SAGE1: variants seen among roughly 807,000 people sequenced by gnomAD.
SAGE1 encodes the protein cancer/testis antigen 14.
SAGE1 carries 55 observed loss-of-function variants against 55.4 expected under a neutral mutation model. The observed-to-expected ratio is 0.99, with a 90% CI of 0.80 to 1.24. SAGE1 has a LOEUF of 1.24. SAGE1 is among the 50% of genes most tolerant of loss of function. The pLI is 0.00. For missense variants in SAGE1, 710 were observed against 704.4 expected, an observed-to-expected ratio of 1.01 and a Z score of -0.09; for synonymous variants, 240 against 244.3, an observed-to-expected ratio of 0.98 and a Z score of 0.17.
At chrX:135,907,963 T>A in intron 10 of SAGE1, 122 bp downstream of exon 10, 3 of 1,048,496 alleles carry the variant, frequency 2.9e-6, no homozygotes, top group Non-Finnish European at 3.9e-6. Context: ...GGTTTTCAAT[T>A]GCTCCCTGGT....
chrX:135,897,767 C>T (rs782287023), intron 2 of SAGE1, among the ~76,000 whole-genome samples: 1 of 110,633 alleles, frequency 9.0e-6, no homozygotes, highest in Non-Finnish European at 1.9e-5. Flanking sequence ...ACCTATGAAC[C>T]CATCACCTTG....
At chrX:135,905,542 T>A in intron 5 of SAGE1, 150 bp downstream of exon 5, 2 of 511,374 alleles carry the variant, frequency 3.9e-6, no homozygotes, top group Non-Finnish European at 6.3e-6. Flanking sequence ...TCCCCTGATT[T>A]CCTAGATAAT....
chrX:135,910,643 A>G, intron 16 of SAGE1, 88 bp downstream of exon 16: 1 of 892,953 alleles, frequency 1.1e-6, no homozygotes, highest in Non-Finnish European at 1.6e-6. Context: ...TTTGTTGTAT[A>G]TTCTTTCCTA....
chrX:135,894,577 GA>G (rs1480580715), intron 1 of SAGE1, among the ~76,000 whole-genome samples: 3 of 109,740 alleles, frequency 2.7e-5, no homozygotes, highest in Admixed American at 9.8e-5. Context: ...AAGATTGTTA[GA>G]TTTTTTTTTT....
At chrX:135,901,741 T>C (rs2088683135) in intron 3 of SAGE1, 50 bp downstream of exon 3, 2 of 1,114,732 alleles carry the variant, frequency 1.8e-6, no homozygotes, top group Non-Finnish European at 2.4e-6. Flanking sequence ...AGGACATTTG[T>C]AGTCATGTCC....
rs1385997033 is a variant in SAGE1 at position 135,906,307 on chromosome X, T to C, written c.596-104T>C. 3.7e-6 allele frequency: 4 copies of C among 1,092,107 alleles called. No homozygotes were observed. The African/African-American group carries it at 7.3e-5, about 20-fold the overall frequency. The allele number at this position is 1,092,107 out of a possible 1,213,427, so 90.0% of individuals were successfully genotyped here. On this transcript the variant is annotated intron_variant, in intron 6 of 19. Transcript: ENST00000370709. ...CACATCACCACCTGATATATCCTAC[T>C]GCTTTATGAAATAATTTCATAGAAA...
chrX:135,902,719 T>C (rs1353625339), intron 3 of SAGE1, among the ~76,000 whole-genome samples: 1 of 112,098 alleles, frequency 8.9e-6, no homozygotes, highest in African/African-American at 3.2e-5. Context: ...CTAGTCAAAA[T>C]ACTTAAAGTC....
chrX:135,907,175 G>C, intron 8 of SAGE1, 109 bp downstream of exon 8: 3 of 1,048,310 alleles, frequency 2.9e-6, no homozygotes, highest in Non-Finnish European at 3.9e-6. Context: ...AGCTCAATTT[G>C]AGGGGTCTCA....
At chrX:135,910,245 G>A (rs1434353902) in intron 15 of SAGE1, 75 bp downstream of exon 15, 1 of 1,090,329 alleles carries the variant, frequency 9.2e-7, no homozygotes, top group African/African-American at 1.8e-5. Context: ...GAAGAATGTA[G>A]TTTTGTTGTA....
intron 4 of SAGE1, 107 bp from the exon 5 acceptor site, chrX:135,905,145 C>G: frequency 1.3e-6 from 1 of 749,857 alleles, no homozygotes; most frequent in Admixed American, 2.6e-5. Context: ...GATGTATTCT[C>G]CTGCATTAGG....
chrX:135,905,853 T>C (rs1234902816), intron 5 of SAGE1, among the ~76,000 whole-genome samples, 171 bp from the exon 6 acceptor site: 1 of 111,470 alleles, frequency 9.0e-6, no homozygotes, highest in East Asian at 2.8e-4. Flanking sequence ...AAGAAGGTGG[T>C]TTCGTTTTAT....
At chrX:135,907,138 G>A in intron 8 of SAGE1, 72 bp downstream of exon 8, 1 of 1,108,798 alleles carries the variant, frequency 9.0e-7, no homozygotes, top group Non-Finnish European at 1.2e-6. Context: ...AAGGGGAGAT[G>A]GAGGTTTTGT....
chrX:135,906,091 C>A lies in SAGE1; in HGVS notation c.522C>A (p.Val174=), dbSNP rs1556600645. The change falls in exon 6 of 20, where the codon GTC becomes GTA. Residue 174 remains valine (V), a synonymous_variant. Transcript: ENST00000370709. ...ATGGCCAACCCCAACCTGATAACGT[C>A]TTGTCAACTGGTCCCACAGGGCTTA... ...MENGQPQPDN[V]LSTGPTGLIN... 1.7e-6 allele frequency: 2 copies of A among 1,205,274 alleles called. No individual in the cohort carries two copies. The highest frequency in any genetic ancestry group is 2.2e-6 in the Non-Finnish European group (2 of 890,362).
rs782780651 is a variant in SAGE1, at chrX:135,904,914, C to A, written c.314-338C>A. ...TGAGGAGGGGATGGAAAATGGTCAA[C>A]CCCAACGAGATAATGTCATGTCAAA... On this transcript the variant is annotated intron_variant, in intron 4 of 19. Coordinates refer to ENST00000370709, the MANE Select transcript of SAGE1 (RefSeq NM_001381902.1). 7.5e-4 allele frequency among the ~76,000 whole-genome samples: 83 copies of A among 111,350 alleles called. 1 individual carries two copies. Among genetic ancestry groups the A allele is most frequent in the Middle Eastern group, 4.7e-3 (1 of 214 alleles).
chrX:135,896,523 A>ATTTAT (rs782590619), intron 2 of SAGE1, among the ~76,000 whole-genome samples, 194 bp downstream of exon 2: 16,738 of 103,700 alleles, frequency 0.16, 1,351 homozygotes, highest in Non-Finnish European at 0.2. Flanking sequence ...CTAGGAACTG[A>ATTTAT]TTTATTTTAT....
At chrX:135,904,678 A>G (rs2088752179) in intron 4 of SAGE1, 109 bp downstream of exon 4, 1 of 510,248 alleles carries the variant, frequency 2.0e-6, no homozygotes, top group Non-Finnish European at 3.3e-6. Flanking sequence ...ATTTTCATGA[A>G]TTATAGAAGG....
At chrX:135,912,207 A>G (rs2088910838) in intron 18 of SAGE1, 114 bp from the exon 19 acceptor site, 1 of 1,102,844 alleles carries the variant, frequency 9.1e-7, no homozygotes, top group Non-Finnish European at 1.2e-6. Context: ...CAAAACAAGC[A>G]CTATGTAACA....
At position 135,911,221 on chromosome X, in the gene SAGE1, GAGA is replaced by G. The variant is rs781944708; in HGVS notation, c.2039_2041del (p.Lys680del). On this transcript the variant is annotated inframe_deletion, in exon 17 of 20. Transcript: ENST00000370709. Reference sequence around the variant, plus strand: ...CACCGCCACTCACAGTGTCCATGAGGAGAAGATGACAAATGGCCAACAGGCACC... The same window carrying G: ...CACCGCCACTCACAGTGTCCATGAGGAGATGACAAATGGCCAACAGGCACC... 3.5e-5 allele frequency: 42 copies of G among 1,208,848 alleles called. No homozygotes were observed. Among genetic ancestry groups the G allele is most frequent in the Non-Finnish European group, 4.2e-5 (38 of 894,399 alleles).
chrX:135,908,007 T>C, intron 10 of SAGE1, 82 bp from the exon 11 acceptor site: 1 of 1,105,972 alleles, frequency 9.0e-7, no homozygotes, highest in Non-Finnish European at 1.2e-6. Context: ...AATTCCTAGA[T>C]AGTGAGCATC....
Sources: allele counts gnomAD v4.1 joint callset (sites outside exome capture counted in the v4.1 genomes callset), GRCh38; gene constraint gnomAD v4.1.1; transcripts MANE v1.5; gene names NCBI Gene and HGNC (gene_info 2026-07-23, HGNC 2026-07-21).